Variants in UNC5A observed in about 807,000 individuals in gnomAD.
The protein encoded by UNC5A is unc-5 netrin receptor A.
Under a neutral mutation model 87.4 loss-of-function variants are expected in UNC5A, and 20 were observed. The ratio of observed to expected loss-of-function variants is 0.23; its 90% CI spans 0.16 to 0.33. The LOEUF (loss-of-function observed/expected upper bound fraction) is 0.33. UNC5A is among the 10% of genes least tolerant of loss of function. The probability of loss-of-function intolerance (pLI) is 1.00; values close to 1 mark genes in which losing one functional copy is unlikely to be tolerated. For missense variants in UNC5A, 844 were observed against 1,133.4 expected, an observed-to-expected ratio of 0.74 and a Z score of 3.67; for synonymous variants, 438 against 482.3, an observed-to-expected ratio of 0.91 and a Z score of 1.20.
intron 6 of UNC5A, among the ~76,000 whole-genome samples, chr5:176,872,873 C>T (rs2962775): frequency 4.0e-5 from 5 of 124,650 alleles, no homozygotes; most frequent in African/African-American, 1.6e-4. Context: ...CCACAGCTTC[C>T]CATCTGCCCA....
At chr5:176,862,877 TC>T in intron 2 of UNC5A, 32 bp downstream of exon 2, 1 of 1,608,778 alleles carries the variant, frequency 6.2e-7, no homozygotes, top group African/African-American at 1.3e-5. Flanking sequence ...GCAGGGCCAA[TC>T]CGGGGGAGGC....
At position 176,865,254 on chromosome 5, in the gene UNC5A, GC is replaced by G. The variant is rs1206064762; in HGVS notation, c.292+2414del. 6.6e-6 allele frequency among the ~76,000 whole-genome samples: 1 copy of G among 152,170 alleles called. No individual in the cohort carries two copies. The highest frequency in any genetic ancestry group is 1.9e-4 in the East Asian group (1 of 5,200). ...CCTGCAGCCTGGAAGCTCCAGTCCA[GC>G]CCCCTGCTGCTCCCAGCACCCCCTT... On this transcript the variant is annotated intron_variant, in intron 2 of 14. Transcript: ENST00000329542. The surrounding 1 kb of genome is among the most constrained non-coding windows in gnomAD (Gnocchi z 5.3).
chr5:176,868,730 C>T (rs1438678512), intron 4 of UNC5A, 54 bp from the exon 5 acceptor site: 1 of 1,588,080 alleles, frequency 6.3e-7, no homozygotes, highest in South Asian at 1.1e-5. Context: ...GCAGGGGCCA[C>T]TCTGGGCAGG....
rs576487469 is a variant in UNC5A, at chr5:176,819,603, C to A, written c.70+8783C>A. Among the ~76,000 whole-genome samples, 5 of 152,310 alleles carry A rather than the reference C, an allele frequency of 3.3e-5. No homozygotes were observed. In the South Asian group the frequency reaches 8.3e-4, roughly 25 times the overall value. On this transcript the variant is annotated intron_variant, in intron 1 of 14. Transcript: ENST00000329542. ...CTTACAGGTCCAGGCCCAGGCTCCG[C>A]ACGGGATAGGGGAGAAGAGCACATC...
rs1757937130 is a variant in UNC5A, at chr5:176,865,030, G to A, written c.292+2185G>A. ...TCAGTTTCTTCATCTGTAAAATGGGGGTGAGGAGACCTCCCCTCCATCCTG... is the reference window on the plus strand; with the variant it reads ...TCAGTTTCTTCATCTGTAAAATGGGAGTGAGGAGACCTCCCCTCCATCCTG... On this transcript the variant is annotated intron_variant, in intron 2 of 14. Transcript: ENST00000329542. The surrounding 1 kb of genome is among the most constrained non-coding windows in gnomAD (Gnocchi z 5.3). The A allele has an allele frequency of 2.8e-6, 1 of 351,924 alleles. No individual in the cohort carries two copies. The highest frequency in any genetic ancestry group is 2.2e-5 in the African/African-American group (1 of 46,268). The allele number at this position is 351,924 out of a possible 1,614,324, so 21.8% of individuals were successfully genotyped here.
At chr5:176,873,576 T>C (rs1201302375) in intron 6 of UNC5A, among the ~76,000 whole-genome samples, 1 of 152,146 alleles carries the variant, frequency 6.6e-6, no homozygotes, top group Non-Finnish European at 1.5e-5. Context: ...AGGCAGACCC[T>C]GTGCTCTGGG....
Position 176,878,600 on chromosome 5 carries a change from C to G in UNC5A, c.2145C>G (p.Gly715=), listed in dbSNP as rs752481844. The G allele has an allele frequency of 8.7e-6, 14 of 1,612,476 alleles. No homozygotes were observed. Among genetic ancestry groups the G allele is most frequent in the Non-Finnish European group, 1.2e-5 (14 of 1,179,878 alleles). Residue 715 remains glycine, a synonymous_variant, in exon 13 of 15, where the codon GGC becomes GGG. Coordinates refer to ENST00000329542, the MANE Select transcript of UNC5A (RefSeq NM_133369.3). ...ACKLWVWQVE[G]DGQSFSINFN... ...AGCTGTGGGTGTGGCAGGTGGAGGG[C>G]GACGGGCAGAGCTTCAGCATCAACT...
At chr5:176,879,002 C>G (rs1031510709) in intron 13 of UNC5A, among the ~76,000 whole-genome samples, 5 of 152,032 alleles carry the variant, frequency 3.3e-5, no homozygotes, top group South Asian at 2.1e-4. Flanking sequence ...GGACTCAGGC[C>G]GTGAAGAGAG....
In UNC5A at chr5:176,868,973, C is replaced by T. The variant is rs545046430; in HGVS notation, c.721+9C>T. The T allele has an allele frequency of 1.9e-5, 30 of 1,589,978 alleles. No individual in the cohort carries two copies. The highest frequency in any genetic ancestry group is 1.7e-4 in the Middle Eastern group (1 of 5,954). ...TGCTGTCATCGTCTACGGTGGGCCC[C>T]GGGACTCCCTGGTCACAGGGAGAGG... On this transcript the variant is annotated intron_variant, in intron 5 of 14. Transcript: ENST00000329542.
chr5:176,867,981 A>T, intron 2 of UNC5A, 149 bp from the exon 3 acceptor site: 1 of 551,796 alleles, frequency 1.8e-6, no homozygotes, highest in Non-Finnish European at 2.6e-6. Context: ...CTTAAAACTT[A>T]AAATATAATA....
chr5:176,859,799 G>A (rs545917935), intron 1 of UNC5A, among the ~76,000 whole-genome samples: 14 of 101,178 alleles, frequency 1.4e-4, no homozygotes, highest in African/African-American at 3.8e-4. Flanking sequence ...CTGCTAGAAT[G>A]TCCTTGCTAG....
chr5:176,870,672 C>A, intron 6 of UNC5A, 138 bp downstream of exon 6: 1 of 1,009,792 alleles, frequency 9.9e-7, no homozygotes, highest in Non-Finnish European at 1.4e-6. Context: ...CTGAGATCCC[C>A]CTCATCCTTA....
At chr5:176,828,854 G>A (rs534538534) in intron 1 of UNC5A, among the ~76,000 whole-genome samples, 2 of 152,008 alleles carry the variant, frequency 1.3e-5, no homozygotes, top group East Asian at 3.9e-4. Context: ...ATGGGGGCTG[G>A]GCGCGGTGGC....
chr5:176,841,154 C>T lies in UNC5A; in HGVS notation c.71-21470C>T, dbSNP rs1398870302. 1.3e-5 allele frequency among the ~76,000 whole-genome samples: 2 copies of T among 152,222 alleles called. No homozygotes were observed. The highest frequency in any genetic ancestry group is 2.9e-5 in the Non-Finnish European group (2 of 68,044). On this transcript the variant is annotated intron_variant, in intron 1 of 14. Transcript: ENST00000329542. The surrounding 1 kb of genome is among the most constrained non-coding windows in gnomAD (Gnocchi z 4.1). ...AACTTGTAAGGTCAGGGGGTCAGGA[C>T]CACATGGTAATGATCACGAGCTAAA...
At chr5:176,827,954 A>G (rs893365283) in intron 1 of UNC5A, among the ~76,000 whole-genome samples, 1 of 152,074 alleles carries the variant, frequency 6.6e-6, no homozygotes, top group Non-Finnish European at 1.5e-5. Flanking sequence ...AGAGGAGACC[A>G]AGCAGCTGGG....
chr5:176,835,728 G>GGTGT (rs1444755132), intron 1 of UNC5A, among the ~76,000 whole-genome samples: 275 of 63,586 alleles, frequency 4.3e-3, no homozygotes, highest in Middle Eastern at 7.7e-3. Context: ...TTTGATAAAG[G>GGTGT]ATGTGTGTGT....
Position 176,848,534 on chromosome 5 carries a change from G to A in UNC5A, c.71-14090G>A, listed in dbSNP as rs1055361565. Among the ~76,000 whole-genome samples the A allele has an allele frequency of 5.3e-5, 8 of 152,240 alleles. No individual in the cohort carries two copies. The highest frequency in any genetic ancestry group is 1.2e-4 in the Non-Finnish European group (8 of 68,048). On this transcript the variant is annotated intron_variant, in intron 1 of 14. Coordinates refer to ENST00000329542, the MANE Select transcript of UNC5A (RefSeq NM_133369.3). This position sits in a 1 kb window ranked among gnomAD's most constrained non-coding sequence, Gnocchi z 5.8. ...CAAGCTGGTAATTATTTGGACAGTG[G>A]GTAATTAAAACGGGGTGAGGGCTCA... is the stretch of plus-strand genomic sequence containing the variant.
In UNC5A at chr5:176,848,818, C is replaced by T. The variant is rs927608280; in HGVS notation, c.71-13806C>T. 5.9e-5 allele frequency among the ~76,000 whole-genome samples: 9 copies of T among 152,184 alleles called. No homozygotes were observed. Among genetic ancestry groups the T allele is most frequent in the Non-Finnish European group, 1.3e-4 (9 of 68,024 alleles). On this transcript the variant is annotated intron_variant, in intron 1 of 14. Coordinates refer to ENST00000329542, the MANE Select transcript of UNC5A (RefSeq NM_133369.3). This position sits in a 1 kb window ranked among gnomAD's most constrained non-coding sequence, Gnocchi z 5.8. ...GGGCAGCCGCGGCCTGGGCCCTGCG[C>T]GTCTCGGGATTGCAGCTTCTCCCCT...
Position 176,877,975 on chromosome 5 carries a change from G to T in UNC5A, c.1717G>T (p.Glu573Ter). 1 of 1,605,122 alleles carries T rather than the reference G, an allele frequency of 6.2e-7. No homozygotes were observed. Residue 573 changes from glutamate to a stop codon, truncating the protein, a stop_gained, in exon 11 of 15, where the codon GAG becomes TAG. Coordinates refer to ENST00000329542, the MANE Select transcript of UNC5A (RefSeq NM_133369.3). LOFTEE classifies it high-confidence loss of function. ...GGCCAGTGCCTGCTACGTCTTCACCGAGCAGCTGGGCCGCTTTGCCCTGGT... is the reference window on the plus strand; with the variant it reads ...GGCCAGTGCCTGCTACGTCTTCACCTAGCAGCTGGGCCGCTTTGCCCTGGT... ...LEASACYVFT[E>*]QLGRFALVGE... is the part of the protein sequence containing the mutation.
Sources: allele counts gnomAD v4.1 joint callset (sites outside exome capture counted in the v4.1 genomes callset), GRCh38; gene constraint gnomAD v4.1.1; non-coding constraint Gnocchi (gnomAD v3.1); transcripts MANE v1.5; gene names NCBI Gene and HGNC (gene_info 2026-07-23, HGNC 2026-07-21).